MAD1L1: variants seen among roughly 807,000 people sequenced by gnomAD.
MAD1L1 encodes the protein mitotic spindle assembly checkpoint protein MAD1.
Under a neutral mutation model 96.9 loss-of-function variants are expected in MAD1L1, and 95 were observed. The ratio of observed to expected loss-of-function variants is 0.98; its 90% CI spans 0.83 to 1.16. The LOEUF (loss-of-function observed/expected upper bound fraction) is 1.16. MAD1L1 is among the 50% of genes most tolerant of loss of function. The pLI is 0.00. For synonymous variants in MAD1L1, 473 were observed against 396.6 expected, an observed-to-expected ratio of 1.19 and a Z score of -2.29; for missense variants, 1,007 against 954.4, an observed-to-expected ratio of 1.06 and a Z score of -0.73.
At chr7:1,859,473 G>T (rs1311025460) in intron 18 of MAD1L1, among the ~76,000 whole-genome samples, 1 of 152,242 alleles carries the variant, frequency 6.6e-6, no homozygotes, top group Non-Finnish European at 1.5e-5. Flanking sequence ...CCCACAGGTG[G>T]GGCAGGTGGC....
At chr7:2,186,149 T>C (rs1791450007) in intron 10 of MAD1L1, among the ~76,000 whole-genome samples, 1 of 152,204 alleles carries the variant, frequency 6.6e-6, no homozygotes, top group African/African-American at 2.4e-5. Context: ...GGAACGTAAT[T>C]TGGCAAAAAT....
At chr7:1,929,486 G>A (rs1395586275) in intron 17 of MAD1L1, among the ~76,000 whole-genome samples, 1 of 152,150 alleles carries the variant, frequency 6.6e-6, no homozygotes, top group Admixed American at 6.5e-5. Flanking sequence ...CGTGCCGATG[G>A]CAAGGGTTGT....
intron 11 of MAD1L1, among the ~76,000 whole-genome samples, chr7:2,125,762 C>T (rs553503020): frequency 6.6e-6 from 1 of 152,344 alleles, no homozygotes; most frequent in Admixed American, 6.5e-5. Context: ...CTAAGGGCTT[C>T]CTGGGGTCAT....
intron 10 of MAD1L1, among the ~76,000 whole-genome samples, chr7:2,183,949 T>C (rs1359292094): frequency 6.6e-6 from 1 of 151,790 alleles, no homozygotes; most frequent in East Asian, 1.9e-4. Context: ...AACAAAGCTA[T>C]TAAGCAAAAG....
In MAD1L1 at chr7:1,936,735, C is replaced by G; in HGVS notation, c.1759G>C (p.Asp587His). ...AGACTCGCGGCGGCAGCCTCAAGGT[C>G]GGCTGGGACGGTGCCTCCTCTCTCC... is the stretch of plus-strand genomic sequence containing the variant. The part of the protein sequence containing the change: ...AMERGGTVPA[D>H]LEAAAASLPS... Residue 587 changes from aspartate to histidine, a missense_variant, in exon 17 of 19, where the codon GAC becomes CAC. Coordinates refer to ENST00000265854, the MANE Select transcript of MAD1L1 (RefSeq NM_001013836.2). 1 of 1,563,294 alleles carries G rather than the reference C, an allele frequency of 6.4e-7. No homozygotes were observed. The highest frequency in any genetic ancestry group is 8.7e-7 in the Non-Finnish European group (1 of 1,155,152).
In MAD1L1 at chr7:2,060,123, C is replaced by T. The variant is rs116413455; in HGVS notation, c.1218+9071G>A. Among the ~76,000 whole-genome samples, 1,457 of 146,492 alleles carry T rather than the reference C, an allele frequency of 9.9e-3. 44 individuals are homozygous for T. Among genetic ancestry groups the T allele is most frequent in the African/African-American group, 0.036 (1,398 of 39,156 alleles). Reference sequence around the variant, plus strand: ...CCGAGATACGCCGAAGCCAAGATGCCGAGATGTCGAGATACGCAGATGCCA... The same window carrying T: ...CCGAGATACGCCGAAGCCAAGATGCTGAGATGTCGAGATACGCAGATGCCA... On this transcript the variant is annotated intron_variant, in intron 12 of 18. Transcript: ENST00000265854.
chr7:2,225,249 CAGGG>C (rs1200308948), intron 4 of MAD1L1, among the ~76,000 whole-genome samples, 157 bp downstream of exon 4: 86 of 38,566 alleles, frequency 2.2e-3, no homozygotes, highest in Admixed American at 0.013. Flanking sequence ...CCCTTGCTCC[CAGGG>C]ACTGGGATCT....
Position 1,863,069 on chromosome 7 carries a change from A to G in MAD1L1, c.1998+35131T>C, listed in dbSNP as rs138465558. 4.2e-3 allele frequency among the ~76,000 whole-genome samples: 644 copies of G among 152,264 alleles called. 6 individuals carry two copies. Among genetic ancestry groups the G allele is most frequent in the African/African-American group, 0.015 (610 of 41,562 alleles). On this transcript the variant is annotated intron_variant, in intron 18 of 18. Transcript: ENST00000265854. The stretch of plus-strand genomic sequence containing the variant: ...GCACAGGCCTGGAGGCTGGGAGGGG[A>G]CGCTGCACTCCGCACCCTCCATCCA...
chr7:1,970,116 T>G (rs922293938), intron 15 of MAD1L1, among the ~76,000 whole-genome samples: 41 of 152,172 alleles, frequency 2.7e-4, no homozygotes, highest in African/African-American at 9.9e-4. Context: ...GACTGCATGT[T>G]GTAGGACTGG....
intron 18 of MAD1L1, among the ~76,000 whole-genome samples, chr7:1,841,031 C>T (rs1409829310): frequency 2.0e-5 from 3 of 152,222 alleles, no homozygotes; most frequent in African/African-American, 4.8e-5. Flanking sequence ...TCTCCACTGC[C>T]GGCGGCTGGT....
chr7:1,954,270 C>G (rs768675516), intron 16 of MAD1L1, among the ~76,000 whole-genome samples: 1 of 152,166 alleles, frequency 6.6e-6, no homozygotes, highest in African/African-American at 2.4e-5. Context: ...AGACAGCCTG[C>G]GGGAAAGGCC....
chr7:1,917,292 C>T (rs1788470101), intron 17 of MAD1L1, among the ~76,000 whole-genome samples: 1 of 152,202 alleles, frequency 6.6e-6, no homozygotes, highest in Non-Finnish European at 1.5e-5. Context: ...GCATGCAGAC[C>T]ACCCAGCCCT....
chr7:2,017,111 A>G (rs1192887558), intron 12 of MAD1L1, among the ~76,000 whole-genome samples: 2 of 152,196 alleles, frequency 1.3e-5, no homozygotes, highest in African/African-American at 4.8e-5. Flanking sequence ...TGTTGTTTGT[A>G]CCCTTTCAAG....
chr7:1,867,344 C>A (rs1457193654), intron 18 of MAD1L1, among the ~76,000 whole-genome samples: 9 of 69,580 alleles, frequency 1.3e-4, no homozygotes, highest in Non-Finnish European at 3.1e-4. Flanking sequence ...CTCCGCAGGA[C>A]CCCCCCGGAA....
chr7:1,990,469 G>A (rs60755037), intron 14 of MAD1L1, among the ~76,000 whole-genome samples: 49,364 of 152,186 alleles, frequency 0.32, 8,905 homozygotes, highest in East Asian at 0.56. Flanking sequence ...AGACACAGGC[G>A]CTGTGGGCCA....
At chr7:1,852,533 C>T (rs907218939) in intron 18 of MAD1L1, among the ~76,000 whole-genome samples, 7 of 152,136 alleles carry the variant, frequency 4.6e-5, no homozygotes, top group Non-Finnish European at 1.0e-4. Context: ...CACCCTGGCC[C>T]GACCGCCGCC....
chr7:1,880,156 C>A (rs1339569231), intron 18 of MAD1L1, among the ~76,000 whole-genome samples: 1 of 152,204 alleles, frequency 6.6e-6, no homozygotes, highest in Non-Finnish European at 1.5e-5. Flanking sequence ...CAGGTGAGAA[C>A]CGGACACACC....
At chr7:2,201,457 G>A (rs1428611578) in intron 10 of MAD1L1, among the ~76,000 whole-genome samples, 1 of 152,160 alleles carries the variant, frequency 6.6e-6, no homozygotes, top group East Asian at 1.9e-4. Flanking sequence ...CAGGACCCCA[G>A]TAAGCACCCA....
At chr7:1,854,719 C>T (rs887300745) in intron 18 of MAD1L1, among the ~76,000 whole-genome samples, 1 of 152,196 alleles carries the variant, frequency 6.6e-6, no homozygotes, top group African/African-American at 2.4e-5. Context: ...GAACCCACAT[C>T]CTTCTCCACC....
Sources: gnomAD v4.1 joint callset for allele counts (sites outside exome capture counted in the v4.1 genomes callset) on GRCh38, gnomAD v4.1.1 for gene constraint, MANE v1.5 for transcripts, NCBI Gene and HGNC (gene_info 2026-07-23, HGNC 2026-07-21) for gene names.